Variants in ALOX5 observed in about 807,000 individuals in gnomAD.
ALOX5 encodes the protein arachidonate 5-lipoxygenase, also known as polyunsaturated fatty acid 5-lipoxygenase.
Under a neutral mutation model 87.9 loss-of-function variants are expected in ALOX5, and 64 were observed. That is an observed-to-expected ratio of 0.73 (90% CI 0.60 to 0.90). ALOX5 has a LOEUF of 0.90. Ranked by LOEUF, ALOX5 falls within the 40% of genes least tolerant of loss-of-function variation. The pLI is 0.00. For missense variants in ALOX5, 822 were observed against 907.5 expected (o/e 0.91, Z 1.21); for synonymous variants, 388 against 355.1 (o/e 1.09, Z -1.04).
intron 7 of ALOX5, among the ~76,000 whole-genome samples, chr10:45,433,505 T>A (rs963639937): frequency 1.3e-5 from 2 of 152,110 alleles, no homozygotes; most frequent in Admixed American, 6.5e-5. Context: ...AAAAGGAGAA[T>A]TGGGCAGCTC....
chr10:45,375,766 T>C (rs2132660814), intron 1 of ALOX5, among the ~76,000 whole-genome samples: 1 of 152,346 alleles, frequency 6.6e-6, no homozygotes, highest in South Asian at 2.1e-4. Flanking sequence ...GCATCCTGGC[T>C]TGAGCTCCCT....
At position 45,445,730 on chromosome 10, in the gene ALOX5, C is replaced by T. The variant is rs760852388; in HGVS notation, c.*43C>T. On this transcript the variant is annotated 3_prime_UTR_variant, in exon 14 of 14. Transcript: ENST00000374391. Reference sequence around the variant, plus strand: ...CTGTGGGAAGGCCAGCTGCCCCAGCCAGATGGACTCCAGCCTGCCTGGCAG... The same window carrying T: ...CTGTGGGAAGGCCAGCTGCCCCAGCTAGATGGACTCCAGCCTGCCTGGCAG... The T allele has an allele frequency of 1.9e-6, 3 of 1,583,992 alleles. No individual in the cohort carries two copies. Among genetic ancestry groups the T allele is most frequent in the Non-Finnish European group, 2.6e-6 (3 of 1,158,016 alleles).
intron 2 of ALOX5, among the ~76,000 whole-genome samples, chr10:45,393,172 A>T (rs1840356885): frequency 6.6e-6 from 1 of 152,188 alleles, no homozygotes; most frequent in Non-Finnish European, 1.5e-5. Context: ...TTAGACCAAT[A>T]TCCCTGATGA....
chr10:45,418,098 C>T (rs998095680), intron 4 of ALOX5, among the ~76,000 whole-genome samples: 1 of 152,200 alleles, frequency 6.6e-6, no homozygotes, highest in Non-Finnish European at 1.5e-5. Flanking sequence ...GCAGGCTGGA[C>T]AGTAAGCTTA....
chr10:45,398,154 T>A (rs957568798), intron 3 of ALOX5, among the ~76,000 whole-genome samples: 4 of 152,200 alleles, frequency 2.6e-5, no homozygotes, highest in African/African-American at 9.6e-5. Flanking sequence ...GATATATAGA[T>A]CAATGAAATA....
chr10:45,445,602 G>T lies in ALOX5; in HGVS notation c.1940G>T (p.Ser647Ile), dbSNP rs747669745. The T allele has an allele frequency of 8.7e-6, 14 of 1,614,046 alleles. No homozygotes were observed. The African/African-American group carries it at 1.1e-4, about 12-fold the overall frequency. ...CGCAAGAACCTCGAGGCCATTGTCA[G>T]CGTGATTGCTGAGCGCAACAAGAAG... ...RFRKNLEAIV[S>I]VIAERNKKKQ... The change falls in exon 14 of 14, where the codon AGC becomes ATC. Residue 647 changes from serine to isoleucine, a missense_variant. Physicochemically the swap from Ser to Ile is moderately radical, Grantham distance 142. Transcript: ENST00000374391.
At chr10:45,404,147 T>G (rs12267438) in intron 3 of ALOX5, among the ~76,000 whole-genome samples, 3,429 of 152,288 alleles carry the variant, frequency 0.023, 127 homozygotes, top group African/African-American at 0.078. Flanking sequence ...CGTTTCCCCC[T>G]TTCTTAGATT....
chr10:45,387,918 T>A (rs1336918229), intron 2 of ALOX5, among the ~76,000 whole-genome samples: 1 of 152,206 alleles, frequency 6.6e-6, no homozygotes, highest in Non-Finnish European at 1.5e-5. Context: ...ACTGAGGCAC[T>A]GGGTTCATCT....
intron 8 of ALOX5, among the ~76,000 whole-genome samples, chr10:45,440,859 C>T (rs939383005): frequency 6.6e-6 from 1 of 152,182 alleles, no homozygotes; most frequent in Non-Finnish European, 1.5e-5. Flanking sequence ...ACACGGGCCT[C>T]GCTGGCCAGC....
At chr10:45,443,859 T>C in intron 12 of ALOX5, 31 bp downstream of exon 12, 2 of 1,569,562 alleles carry the variant, frequency 1.3e-6, no homozygotes, top group Non-Finnish European at 1.7e-6. Context: ...TGGGCAGGGC[T>C]CCCTTCTCAA....
At chr10:45,396,065 C>G (rs1041651522) in intron 3 of ALOX5, 129 bp downstream of exon 3, 2 of 850,628 alleles carry the variant, frequency 2.4e-6, no homozygotes, top group Admixed American at 2.4e-5. Flanking sequence ...GGCACCAGCT[C>G]CCAGTGTGGG....
rs369749993 is a variant in ALOX5 at position 45,384,833 on chromosome 10, C to CTAT, written c.349+2175_349+2177dup. Among the ~76,000 whole-genome samples, 1,250 of 149,220 alleles carry CTAT rather than the reference C, an allele frequency of 8.4e-3. 20 individuals are homozygous for CTAT. The highest frequency in any genetic ancestry group is 0.025 in the African/African-American group (1,019 of 40,564). Reference sequence around the variant, plus strand: ...GAAGGAATGTCAAAGAATTTGTGGCCTATTATTATTATTATTATTATTATT... The same window carrying CTAT: ...GAAGGAATGTCAAAGAATTTGTGGCCTATTATTATTATTATTATTATTATTATT... On this transcript the variant is annotated intron_variant, in intron 2 of 13. Coordinates refer to ENST00000374391, the MANE Select transcript of ALOX5 (RefSeq NM_000698.5).
chr10:45,438,776 T>G (rs1842134108), intron 7 of ALOX5, among the ~76,000 whole-genome samples: 1 of 152,246 alleles, frequency 6.6e-6, no homozygotes, highest in African/African-American at 2.4e-5. Context: ...AACCAGGTCA[T>G]TCAAATTTTT....
chr10:45,388,389 C>G (rs1314589660), intron 2 of ALOX5, among the ~76,000 whole-genome samples: 4 of 152,212 alleles, frequency 2.6e-5, no homozygotes, highest in Non-Finnish European at 5.9e-5. Context: ...GACAGACTGC[C>G]CCCTCAAGTG....
chr10:45,377,744 C>T (rs982392263), intron 1 of ALOX5, among the ~76,000 whole-genome samples: 7 of 152,306 alleles, frequency 4.6e-5, no homozygotes, highest in Admixed American at 4.6e-4. Flanking sequence ...CACATCCTTG[C>T]TTCCGCAGAG....
rs184683258 is a variant in ALOX5 at position 45,410,051 on chromosome 10, A to G, written c.432-2140A>G. Among the ~76,000 whole-genome samples the G allele has an allele frequency of 2.0e-5, 3 of 152,372 alleles. No individual in the cohort carries two copies. The East Asian group carries it at 5.8e-4, about 29-fold the overall frequency. Reference sequence around the variant, plus strand: ...AAGTGGACTATTCACTTAAGAAAACATTAATGCCATTTGCTGGCACAGATG... The same window carrying G: ...AAGTGGACTATTCACTTAAGAAAACGTTAATGCCATTTGCTGGCACAGATG... On this transcript the variant is annotated intron_variant, in intron 3 of 13. Coordinates refer to ENST00000374391, the MANE Select transcript of ALOX5 (RefSeq NM_000698.5).
At chr10:45,391,892 C>T (rs1322256853) in intron 2 of ALOX5, among the ~76,000 whole-genome samples, 5 of 114,018 alleles carry the variant, frequency 4.4e-5, no homozygotes, top group Non-Finnish European at 1.0e-4. Flanking sequence ...GCAGCCGCCC[C>T]TTCTGAGAAG....
At position 45,374,357 on chromosome 10, in the gene ALOX5, C is replaced by T. The variant is rs1185601108; in HGVS notation, c.78C>T (p.Leu26=). The T allele has an allele frequency of 1.9e-6, 3 of 1,548,134 alleles. No homozygotes were observed. Among genetic ancestry groups the T allele is most frequent in the African/African-American group, 1.4e-5 (1 of 70,982 alleles). Residue 26 remains leucine (L), a synonymous_variant, in exon 1 of 14, where the codon CTC becomes CTT. Coordinates refer to ENST00000374391, the MANE Select transcript of ALOX5 (RefSeq NM_000698.5). The stretch of plus-strand genomic sequence containing the variant: ...CTGACGACTACATCTACCTCAGCCT[C>T]GTGGGCTCGGCGGGCTGCAGCGAGA... The part of the protein sequence containing the change: ...AGTDDYIYLS[L]VGSAGCSEKH...
chr10:45,419,512 C>T (rs992258808), intron 4 of ALOX5, among the ~76,000 whole-genome samples: 6 of 152,230 alleles, frequency 3.9e-5, no homozygotes, highest in African/African-American at 1.4e-4. Flanking sequence ...GGCCCTCCCC[C>T]AGCCCCGCAG....
Sources: allele counts gnomAD v4.1 joint callset (sites outside exome capture counted in the v4.1 genomes callset), GRCh38; gene constraint gnomAD v4.1.1; transcripts MANE v1.5; gene names NCBI Gene and HGNC (gene_info 2026-07-23, HGNC 2026-07-21).